TRPC1: variants seen among roughly 807,000 people sequenced by gnomAD.
TRPC1 encodes transient receptor potential cation channel subfamily C member 1.
In TRPC1, 42 loss-of-function variants were observed where a neutral mutation model predicts 88.2. The observed-to-expected ratio is 0.48, with a 90% CI of 0.37 to 0.62. The LOEUF (loss-of-function observed/expected upper bound fraction) is 0.62, where lower values mean the gene tolerates loss of function less well. TRPC1 is among the 20% of genes least tolerant of loss of function. The probability of loss-of-function intolerance (pLI) is 0.00; values close to 1 mark genes in which losing one functional copy is unlikely to be tolerated. For synonymous variants in TRPC1, 288 were observed against 331.8 expected (o/e 0.87, Z 1.43); for missense variants, 699 against 957.3 (o/e 0.73, Z 3.56).
At chr3:142,804,338 A>G in intron 11 of TRPC1, 98 bp from the exon 12 acceptor site, 2 of 1,218,730 alleles carry the variant, frequency 1.6e-6, no homozygotes, top group Non-Finnish European at 1.1e-6. Flanking sequence ...AATAATTGCA[A>G]ATGTTGAACA....
At chr3:142,777,874 A>T in intron 5 of TRPC1, 111 bp downstream of exon 5, 1 of 1,191,102 alleles carries the variant, frequency 8.4e-7, no homozygotes, top group Non-Finnish European at 1.1e-6. Flanking sequence ...CAAGAACACT[A>T]CACCTTGTTG....
rs534150615 is a variant in TRPC1, at chr3:142,724,050, A to G, written c.-510A>G. On this transcript the variant is annotated 5_prime_UTR_variant, in exon 1 of 13. Transcript: ENST00000476941. This position sits in a 1 kb window ranked among gnomAD's most constrained non-coding sequence, Gnocchi z 5.6. ...CCTAGTGTCGTCGCTACAGAGGAGC[A>G]GAGGATGACGTGAGGACAGAGTCGC... 2 of 147,106 alleles carry G rather than the reference A, an allele frequency of 1.4e-5. No homozygotes were observed. The highest frequency in any genetic ancestry group is 4.5e-4 in the South Asian group (2 of 4,396). 9.1% of individuals were successfully genotyped at this position (147,106 alleles called of 1,614,324 possible).
At chr3:142,747,822 T>C (rs937660683) in intron 3 of TRPC1, among the ~76,000 whole-genome samples, 2 of 152,232 alleles carry the variant, frequency 1.3e-5, no homozygotes, top group Admixed American at 6.5e-5. Flanking sequence ...AGGTTTGCCA[T>C]AGAGGTGAAA....
chr3:142,766,316 A>G (rs759702965), intron 4 of TRPC1, among the ~76,000 whole-genome samples: 2 of 152,156 alleles, frequency 1.3e-5, no homozygotes, highest in Non-Finnish European at 2.9e-5. Flanking sequence ...GGCACAATCT[A>G]ATAAGCTGCC....
chr3:142,797,254 C>T (rs1464101821), intron 9 of TRPC1, among the ~76,000 whole-genome samples: 1 of 151,638 alleles, frequency 6.6e-6, no homozygotes, highest in East Asian at 1.9e-4. Context: ...TAAAGTTCCT[C>T]CCCTTCCTAC....
rs1385895045 is a variant in TRPC1 at position 142,767,060 on chromosome 3, T to C, written c.633-10572T>C. 1.3e-5 allele frequency among the ~76,000 whole-genome samples: 2 copies of C among 152,220 alleles called. No individual in the cohort carries two copies. The highest frequency in any genetic ancestry group is 2.1e-4 in the South Asian group (1 of 4,832). On this transcript the variant is annotated intron_variant, in intron 4 of 12. Transcript: ENST00000476941. The surrounding 1 kb of genome is among the most constrained non-coding windows in gnomAD (Gnocchi z 5.1). Reference sequence around the variant, plus strand: ...AGGCAGAAATGCCATCTTAAAAATATTGAATTATCCAACCATTGAACATGG... The same window carrying C: ...AGGCAGAAATGCCATCTTAAAAATACTGAATTATCCAACCATTGAACATGG...
At chr3:142,739,778 G>T (rs1370401563) in intron 2 of TRPC1, among the ~76,000 whole-genome samples, 1 of 152,176 alleles carries the variant, frequency 6.6e-6, no homozygotes, top group African/African-American at 2.4e-5. Flanking sequence ...TATGTCAATA[G>T]TTTTTGTAGT....
intron 3 of TRPC1, among the ~76,000 whole-genome samples, chr3:142,745,811 G>T (rs1258567371): frequency 6.6e-6 from 1 of 151,476 alleles, no homozygotes; most frequent in Non-Finnish European, 1.5e-5. Flanking sequence ...AGGCTGCAGT[G>T]CAATGGCGTG....
intron 12 of TRPC1, among the ~76,000 whole-genome samples, chr3:142,805,288 T>C (rs1012581054): frequency 6.6e-6 from 1 of 152,068 alleles, no homozygotes; most frequent in Non-Finnish European, 1.5e-5. Flanking sequence ...AAAATACCCA[T>C]TCTGTCACTG....
At chr3:142,775,636 A>G (rs1935743387) in intron 4 of TRPC1, among the ~76,000 whole-genome samples, 1 of 152,162 alleles carries the variant, frequency 6.6e-6, no homozygotes, top group Non-Finnish European at 1.5e-5. Context: ...AAGTATTTGA[A>G]TCACTTTTGA....
rs1936822801 is a variant in TRPC1, at chr3:142,807,282, TA to T, written c.*1051del. The T allele has an allele frequency of 6.6e-6, 1 of 152,226 alleles. No individual in the cohort carries two copies. The highest frequency in any genetic ancestry group is 2.4e-5 in the African/African-American group (1 of 41,462). 9.4% of individuals were successfully genotyped at this position (152,226 alleles called of 1,614,324 possible). ...TTTCCATAATTTAACACAGCTTCTA[TA>T]AAAGTGACTTCATGCTTACTTGTGG... is the stretch of plus-strand genomic sequence containing the variant. On this transcript the variant is annotated 3_prime_UTR_variant, in exon 13 of 13. Coordinates refer to ENST00000476941, the MANE Select transcript of TRPC1 (RefSeq NM_001251845.2).
chr3:142,735,370 T>G (rs1479787289), intron 1 of TRPC1, among the ~76,000 whole-genome samples: 6 of 152,240 alleles, frequency 3.9e-5, no homozygotes. Context: ...TCTATGCTGA[T>G]TGTTCTTTCC....
intron 7 of TRPC1, among the ~76,000 whole-genome samples, chr3:142,789,111 T>C (rs1466450377): frequency 6.6e-6 from 1 of 152,156 alleles, no homozygotes; most frequent in Non-Finnish European, 1.5e-5. Flanking sequence ...AAAGTTTAAA[T>C]ATAAGGGTTT....
At chr3:142,746,016 C>A (rs1474296818) in intron 3 of TRPC1, among the ~76,000 whole-genome samples, 1 of 152,156 alleles carries the variant, frequency 6.6e-6, no homozygotes, top group African/African-American at 2.4e-5. Flanking sequence ...CTCGGCCTCC[C>A]AAAGTGCTGG....
intron 9 of TRPC1, among the ~76,000 whole-genome samples, chr3:142,796,934 A>G (rs1936470974): frequency 6.6e-6 from 1 of 152,124 alleles, no homozygotes; most frequent in Non-Finnish European, 1.5e-5. Context: ...AAATCTATCC[A>G]AAGAGAAACC....
At chr3:142,747,266 AT>A (rs1387901724) in intron 3 of TRPC1, among the ~76,000 whole-genome samples, 1 of 152,208 alleles carries the variant, frequency 6.6e-6, no homozygotes, top group Non-Finnish European at 1.5e-5. Flanking sequence ...GAATATGGGT[AT>A]TTTTAAAATT....
In TRPC1 at chr3:142,725,581, A is replaced by G. The variant is rs144078911; in HGVS notation, c.172+850A>G. On this transcript the variant is annotated intron_variant, in intron 1 of 12. Transcript: ENST00000476941. ...GCAATCATCCTTTGTAGTGATGTAT[A>G]TAACAAAAGGGATAGGAAATTGATT... Among the ~76,000 whole-genome samples the G allele has an allele frequency of 5.3e-3, 802 of 152,354 alleles. 7 individuals carry two copies. Among genetic ancestry groups the G allele is most frequent in the African/African-American group, 0.018 (741 of 41,582 alleles).
intron 6 of TRPC1, 83 bp from the exon 7 acceptor site, chr3:142,784,621 T>G (rs1425956955): frequency 9.0e-7 from 1 of 1,105,326 alleles, no homozygotes; most frequent in African/African-American, 1.6e-5. Flanking sequence ...TCTTATTCAG[T>G]AAACTTTGAA....
intron 7 of TRPC1, among the ~76,000 whole-genome samples, chr3:142,786,765 T>C (rs2108130037): frequency 6.6e-6 from 1 of 152,326 alleles, no homozygotes; most frequent in Admixed American, 6.5e-5. Context: ...CTATTTCTGA[T>C]TGTTATATAT....
Sources: allele counts gnomAD v4.1 joint callset (sites outside exome capture counted in the v4.1 genomes callset), GRCh38; gene constraint gnomAD v4.1.1; non-coding constraint Gnocchi (gnomAD v3.1); transcripts MANE v1.5; gene names NCBI Gene and HGNC (gene_info 2026-07-23, HGNC 2026-07-21).